TBC1D1: variants seen among roughly 807,000 people sequenced by gnomAD.
TBC1D1 encodes the protein TBC1 (tre-2/USP6, BUB2, cdc16) domain family, member 1.
In TBC1D1, 89 loss-of-function variants were observed where a neutral mutation model predicts 125.6. The ratio of observed to expected loss-of-function variants is 0.71; its 90% CI spans 0.60 to 0.85. The LOEUF is 0.85. TBC1D1 is among the 40% of genes least tolerant of loss of function. The pLI is 0.00. For synonymous variants in TBC1D1, 565 were observed against 564.1 expected (o/e 1.00, Z -0.02); for missense variants, 1,377 against 1,469.2 (o/e 0.94, Z 1.03).
chr4:38,020,787 G>A, intron 5 of TBC1D1, 92 bp downstream of exon 5: 1 of 1,007,342 alleles, frequency 9.9e-7, no homozygotes, highest in East Asian at 2.5e-5. Flanking sequence ...AAACCAGATG[G>A]TCATTGACAT....
chr4:38,027,490 A>T (rs1745290905), intron 6 of TBC1D1, among the ~76,000 whole-genome samples: 1 of 152,184 alleles, frequency 6.6e-6, no homozygotes, highest in Non-Finnish European at 1.5e-5. Flanking sequence ...TTAGCTGGGC[A>T]TGGTGGCATG....
chr4:38,111,446 G>A (rs1339262600), intron 15 of TBC1D1, among the ~76,000 whole-genome samples: 1 of 151,912 alleles, frequency 6.6e-6, no homozygotes, highest in Non-Finnish European at 1.5e-5. Flanking sequence ...TATTTGATTC[G>A]TATTTATTTT....
chr4:37,983,313 C>T lies in TBC1D1; in HGVS notation c.418-31196C>T, dbSNP rs182940246. Among the ~76,000 whole-genome samples, 148 of 152,066 alleles carry T rather than the reference C, an allele frequency of 9.7e-4. 1 individual carries two copies. In the Middle Eastern group the frequency reaches 0.034, roughly 35 times the overall value. ...TATTTTTAGTAGAGACGGGGTTTCA[C>T]CATGTTGGCCAGGATGGTCTCGATC... On this transcript the variant is annotated intron_variant, in intron 2 of 19. Transcript: ENST00000261439.
intron 2 of TBC1D1, among the ~76,000 whole-genome samples, chr4:37,936,881 T>A (rs1724508127): frequency 6.6e-6 from 1 of 152,194 alleles, no homozygotes; most frequent in Non-Finnish European, 1.5e-5. Context: ...AGCAAGTGAA[T>A]GAATGAATGA....
At chr4:38,068,332 T>G (rs1276061004) in intron 12 of TBC1D1, among the ~76,000 whole-genome samples, 1 of 152,200 alleles carries the variant, frequency 6.6e-6, no homozygotes, top group Non-Finnish European at 1.5e-5. Context: ...CCCTGGTAGC[T>G]TTTGTTTCTT....
intron 2 of TBC1D1, among the ~76,000 whole-genome samples, chr4:37,911,191 A>G (rs573984072): frequency 3.8e-4 from 51 of 132,672 alleles, no homozygotes; most frequent in Admixed American, 1.2e-3. Context: ...AATGTTGCTC[A>G]GAGTTCTTCC....
chr4:37,972,636 T>C (rs761668193), intron 2 of TBC1D1, among the ~76,000 whole-genome samples: 10 of 151,984 alleles, frequency 6.6e-5, no homozygotes, highest in Non-Finnish European at 1.0e-4. Context: ...CCAGGCGCAG[T>C]GGCTCATGCC....
intron 8 of TBC1D1, among the ~76,000 whole-genome samples, chr4:38,040,748 G>A (rs1029828304): frequency 6.6e-6 from 1 of 152,184 alleles, no homozygotes; most frequent in Non-Finnish European, 1.5e-5. Flanking sequence ...TCACTCTGGA[G>A]GCTGCCTCGA....
chr4:38,060,222 TTC>T (rs1387899962), intron 12 of TBC1D1, among the ~76,000 whole-genome samples: 2 of 152,232 alleles, frequency 1.3e-5, no homozygotes, highest in African/African-American at 4.8e-5. Context: ...GTGGTTTATA[TTC>T]CTTTGGTTAT....
At chr4:38,019,479 A>G (rs1010842201) in intron 4 of TBC1D1, among the ~76,000 whole-genome samples, 1 of 152,184 alleles carries the variant, frequency 6.6e-6, no homozygotes, top group Non-Finnish European at 1.5e-5. Flanking sequence ...GATTACCCAT[A>G]GAGTTTTTAA....
chr4:37,982,894 C>T (rs1734635857), intron 2 of TBC1D1, among the ~76,000 whole-genome samples: 1 of 152,056 alleles, frequency 6.6e-6, no homozygotes, highest in Non-Finnish European at 1.5e-5. Context: ...CAGAGAATAA[C>T]GGGAAGGGCA....
intron 2 of TBC1D1, among the ~76,000 whole-genome samples, chr4:37,956,978 T>C (rs956532430): frequency 6.6e-6 from 1 of 151,810 alleles, no homozygotes; most frequent in African/African-American, 2.4e-5. Context: ...TAGAAATGAA[T>C]TTCCCCCAAA....
chr4:38,063,375 T>C (rs984596569), intron 12 of TBC1D1, among the ~76,000 whole-genome samples: 6 of 152,190 alleles, frequency 3.9e-5, no homozygotes, highest in Non-Finnish European at 8.8e-5. Context: ...TGCCTCATCC[T>C]GGTCCCTGGT....
At chr4:38,116,532 A>G (rs1048208271) in intron 16 of TBC1D1, among the ~76,000 whole-genome samples, 2 of 151,776 alleles carry the variant, frequency 1.3e-5, no homozygotes, top group African/African-American at 2.4e-5. Context: ...CTCCCTGTCT[A>G]TTTTCTGATT....
chr4:38,048,257 C>T (rs1190180375), intron 10 of TBC1D1, among the ~76,000 whole-genome samples: 1 of 151,940 alleles, frequency 6.6e-6, no homozygotes, highest in Non-Finnish European at 1.5e-5. Flanking sequence ...TGAAAATGGC[C>T]CTTTCAGTTG....
chr4:38,027,268 A>G (rs1273316859), intron 6 of TBC1D1, among the ~76,000 whole-genome samples: 3 of 152,228 alleles, frequency 2.0e-5, no homozygotes, highest in Non-Finnish European at 2.9e-5. Flanking sequence ...CCTATTATAC[A>G]GTGTCTAGCA....
intron 2 of TBC1D1, among the ~76,000 whole-genome samples, chr4:37,921,840 ATCT>A (rs967828552): frequency 6.6e-6 from 1 of 151,482 alleles, no homozygotes; most frequent in Non-Finnish European, 1.5e-5. Flanking sequence ...GGCTCAGGTG[ATCT>A]TCTTGCCTTA....
intron 15 of TBC1D1, among the ~76,000 whole-genome samples, chr4:38,108,444 T>C (rs531752973): frequency 2.0e-5 from 3 of 152,202 alleles, no homozygotes; most frequent in Non-Finnish European, 4.4e-5. Context: ...CCCACATCAA[T>C]TGCTATAGTT....
intron 18 of TBC1D1, among the ~76,000 whole-genome samples, chr4:38,132,391 G>C (rs1765732581): frequency 6.6e-6 from 1 of 152,208 alleles, no homozygotes; most frequent in South Asian, 2.1e-4. Flanking sequence ...TCCTTACCAA[G>C]AGAAAGTACA....
Sources: allele counts gnomAD v4.1 joint callset (sites outside exome capture counted in the v4.1 genomes callset), GRCh38; gene constraint gnomAD v4.1.1; transcripts MANE v1.5; gene names NCBI Gene and HGNC (gene_info 2026-07-23, HGNC 2026-07-21).